The following AASDH variants were observed in gnomAD, a reference collection of about 807,000 sequenced individuals.
AASDH encodes aminoadipate-semialdehyde dehydrogenase.
Under a neutral mutation model 102.3 loss-of-function variants are expected in AASDH, and 81 were observed. The observed-to-expected ratio is 0.79, with a 90% CI of 0.66 to 0.95. The LOEUF is 0.95. AASDH is among the 40% of genes least tolerant of loss of function. AASDH has a pLI of 0.00. For synonymous variants in AASDH, 398 were observed against 454.0 expected (o/e 0.88, Z 1.57); for missense variants, 1,203 against 1,266.2 (o/e 0.95, Z 0.76).
At position 56,355,266 on chromosome 4, in the gene AASDH, A is replaced by G; in HGVS notation, c.1019T>C (p.Ile340Thr). 1 of 1,614,062 alleles carries G rather than the reference A, an allele frequency of 6.2e-7. No homozygotes were observed. Among genetic ancestry groups the G allele is most frequent in the Non-Finnish European group, 8.5e-7 (1 of 1,179,978 alleles). Reference protein sequence around the residue: ...SWRGEGNKTQIFNVYGITEVS... With the variant: ...SWRGEGNKTQTFNVYGITEVS... ...CTCTGTGATACCATAAACATTAAAT[A>G]TTTGTGTTTTATTGCCTTCTCCTCT... is the stretch of plus-strand genomic sequence containing the variant. The change falls in exon 6 of 15, where the codon ATA (isoleucine) becomes ACA (threonine). Residue 340 changes from isoleucine (I) to threonine (T), a missense_variant. By Grantham distance (89) the Ile-to-Thr change is moderately conservative (BLOSUM62 -1). Transcript: ENST00000205214.
Position 56,351,474 on chromosome 4 carries a change from A to C in AASDH, c.1577-17T>G. On this transcript the variant is annotated splice_polypyrimidine_tract_variant and intron_variant, in intron 9 of 14. Transcript: ENST00000205214. Reference sequence around the variant, plus strand: ...CAATTTTGCCTTAATATAAAAGAGAAATAACAAATGTTTTAAAACATTTTA... The same window carrying C: ...CAATTTTGCCTTAATATAAAAGAGACATAACAAATGTTTTAAAACATTTTA... The C allele has an allele frequency of 7.5e-7, 1 of 1,332,484 alleles. No homozygotes were observed. Among genetic ancestry groups the C allele is most frequent in the Non-Finnish European group, 1.1e-6 (1 of 946,264 alleles). 82.5% of individuals were successfully genotyped at this position (1,332,484 alleles called of 1,614,324 possible). A position where few individuals can be genotyped will look rare whatever the true frequency, so the allele number is the denominator to read the frequency against.
intron 10 of AASDH, among the ~76,000 whole-genome samples, chr4:56,350,915 T>C (rs13140746): frequency 0.36 from 54,421 of 151,990 alleles, 10,239 homozygotes; most frequent in Non-Finnish European, 0.43. Flanking sequence ...TTAAACAAAC[T>C]CTCTCAAGTA....
chr4:56,373,763 C>T (rs1434069919), intron 4 of AASDH, among the ~76,000 whole-genome samples: 1 of 151,986 alleles, frequency 6.6e-6, no homozygotes, highest in East Asian at 1.9e-4. Context: ...AGCTTAAATT[C>T]TGAGAATATT....
chr4:56,363,405 G>A (rs938793437), intron 5 of AASDH, among the ~76,000 whole-genome samples: 4 of 152,360 alleles, frequency 2.6e-5, no homozygotes, highest in African/African-American at 7.2e-5. Flanking sequence ...CTTCAGATAT[G>A]AGAACGGGCA....
At chr4:56,368,904 CAA>C (rs201200751) in intron 5 of AASDH, among the ~76,000 whole-genome samples, 2 of 143,466 alleles carry the variant, frequency 1.4e-5, no homozygotes, top group Non-Finnish European at 1.5e-5. Context: ...AACTCCCTCC[CAA>C]AAAAAAAAGA....
Position 56,355,291 on chromosome 4 carries a change from T to C in AASDH, c.994A>G (p.Arg332Gly). The C allele has an allele frequency of 6.2e-7, 1 of 1,614,154 alleles. No homozygotes were observed. Among genetic ancestry groups the C allele is most frequent in the Non-Finnish European group, 8.5e-7 (1 of 1,180,010 alleles). ...ATTTGTGTTTTATTGCCTTCTCCTC[T>C]CCAGCTTCTGAGAACTGTCAATGAT... Reference protein sequence around the residue: ...FPSLTVLRSWRGEGNKTQIFN... With the variant: ...FPSLTVLRSWGGEGNKTQIFN... Residue 332 changes from arginine to glycine, a missense_variant, in exon 6 of 15, where the codon AGA (arginine) becomes GGA (glycine). Transcript: ENST00000205214.
chr4:56,370,750 G>C (rs1200083209), intron 5 of AASDH, among the ~76,000 whole-genome samples: 2 of 152,184 alleles, frequency 1.3e-5, no homozygotes, highest in Non-Finnish European at 2.9e-5. Context: ...ACACAATCAG[G>C]AACTATGCTA....
In AASDH at chr4:56,353,565, C is replaced by T; in HGVS notation, c.1415G>A (p.Cys472Tyr). The T allele has an allele frequency of 6.2e-7, 1 of 1,612,410 alleles. No individual in the cohort carries two copies. Among genetic ancestry groups the T allele is most frequent in the Non-Finnish European group, 8.5e-7 (1 of 1,179,830 alleles). The change falls in exon 9 of 15, where the codon TGT becomes TAT. Residue 472 changes from cysteine (C) to tyrosine (Y), a missense_variant. Transcript: ENST00000205214. ...TTCCTGATTATACCATGTAACTGCA[C>T]AAGACTCCACTTGCTGAAGCTCTTC... Reference protein sequence around the residue: ...VAEELQQVESCAVTWYNQEKL... With the variant: ...VAEELQQVESYAVTWYNQEKL...
chr4:56,377,275 A>C (rs1177786439), intron 4 of AASDH, among the ~76,000 whole-genome samples: 1 of 152,154 alleles, frequency 6.6e-6, no homozygotes, highest in African/African-American at 2.4e-5. Context: ...CTACACCCCT[A>C]AGGTTCACTT....
chr4:56,345,340 A>C, intron 11 of AASDH, 50 bp from the exon 12 acceptor site: 1 of 1,547,350 alleles, frequency 6.5e-7, no homozygotes. Context: ...ATTACTGGAA[A>C]ATAATTCTTT....
chr4:56,356,802 C>A, intron 5 of AASDH: 1 of 754,738 alleles, frequency 1.3e-6, no homozygotes, highest in Non-Finnish European at 2.4e-6. Flanking sequence ...CTATTAGGAC[C>A]AATTACAATG....
At chr4:56,353,952 AAT>A in intron 8 of AASDH, 85 bp downstream of exon 8, 2 of 1,259,854 alleles carry the variant, frequency 1.6e-6, no homozygotes, top group East Asian at 5.3e-5. Context: ...AGGTGTAAAT[AAT>A]AGAGACCCCA....
rs889482714 is a variant in AASDH at position 56,355,294 on chromosome 4, A to G, written c.991T>C (p.Trp331Arg). The G allele has an allele frequency of 1.2e-6, 2 of 1,614,032 alleles. No homozygotes were observed. The highest frequency in any genetic ancestry group is 2.7e-5 in the African/African-American group (2 of 74,922). The change falls in exon 6 of 15, where the codon TGG (tryptophan) becomes CGG (arginine). Residue 331 changes from tryptophan to arginine, a missense_variant. Trp to Arg is a moderately radical substitution (Grantham distance 101). Transcript: ENST00000205214. ...TGTGTTTTATTGCCTTCTCCTCTCC[A>G]GCTTCTGAGAACTGTCAATGATGGA... The part of the protein sequence containing the change: ...AFPSLTVLRS[W>R]RGEGNKTQIF...
chr4:56,343,709 T>A (rs1747981586), intron 12 of AASDH, 25 bp from the exon 13 acceptor site: 3 of 1,593,154 alleles, frequency 1.9e-6, no homozygotes, highest in Non-Finnish European at 2.6e-6. Context: ...ACAAATTAAT[T>A]TGTTCTTGTT....
intron 5 of AASDH, among the ~76,000 whole-genome samples, chr4:56,364,269 A>G (rs1167456170): frequency 1.3e-5 from 2 of 152,240 alleles, no homozygotes; most frequent in Admixed American, 1.3e-4. Flanking sequence ...GACAGGGAGA[A>G]TGGAACCAAG....
chr4:56,358,131 AC>A (rs777464556), intron 5 of AASDH, among the ~76,000 whole-genome samples: 8 of 151,964 alleles, frequency 5.3e-5, no homozygotes, highest in Non-Finnish European at 1.0e-4. Flanking sequence ...TTTCTTTAAT[AC>A]ATATACATAT....
intron 5 of AASDH, among the ~76,000 whole-genome samples, chr4:56,357,715 T>A (rs1378037355): frequency 6.6e-5 from 10 of 151,516 alleles, no homozygotes; most frequent in African/African-American, 2.4e-4. Context: ...GTAGCCTGTT[T>A]TGGCCTGCCT....
intron 13 of AASDH, 63 bp downstream of exon 13, chr4:56,343,499 A>C: frequency 4.2e-6 from 6 of 1,434,800 alleles, no homozygotes; most frequent in Non-Finnish European, 5.6e-6. Flanking sequence ...TCAAAGCTCA[A>C]AGCAAAAATT....
In AASDH at chr4:56,386,875, A is replaced by T. The variant is rs189347489; in HGVS notation, c.-43+487T>A. Among the ~76,000 whole-genome samples, 46 of 151,980 alleles carry T rather than the reference A, an allele frequency of 3.0e-4. 1 individual carries two copies. The East Asian group carries it at 8.3e-3, about 27-fold the overall frequency. The stretch of plus-strand genomic sequence containing the variant: ...CAGATTTTACATGTAAAAGGAATAA[A>T]TTTACTTGCTACAACTGTAGAAGCT... On this transcript the variant is annotated intron_variant, in intron 1 of 14. Coordinates refer to ENST00000205214, the MANE Select transcript of AASDH (RefSeq NM_181806.4).
Sources: allele counts gnomAD v4.1 joint callset (sites outside exome capture counted in the v4.1 genomes callset), GRCh38; gene constraint gnomAD v4.1.1; transcripts MANE v1.5; gene names NCBI Gene and HGNC (gene_info 2026-07-23, HGNC 2026-07-21).